The following CLEC4A variants were observed in gnomAD, a reference collection of about 807,000 sequenced individuals.
CLEC4A encodes C-type (calcium dependent, carbohydrate-recognition domain) lectin, superfamily member 6.
In CLEC4A, 27 loss-of-function variants were observed where a neutral mutation model predicts 32.7. The ratio of observed to expected loss-of-function variants is 0.83; its 90% CI spans 0.61 to 1.14. The LOEUF is 1.14. Ranked by LOEUF, CLEC4A falls within the 50% of genes most tolerant of loss-of-function variation. CLEC4A has a pLI of 0.00. For synonymous variants in CLEC4A, 89 were observed against 93.7 expected, an observed-to-expected ratio of 0.95 and a Z score of 0.29; for missense variants, 253 against 274.6, an observed-to-expected ratio of 0.92 and a Z score of 0.55.
the CLEC4A span, among the ~76,000 whole-genome samples, chr12:8,110,710 C>T: frequency 1.3e-5 from 2 of 152,244 alleles, no homozygotes; most frequent in African/African-American, 4.8e-5. Context: ...AATCATGTCC[C>T]TTCCTTCCCC....
chr12:8,129,351 T>C lies in CLEC4A; in HGVS notation c.287T>C (p.Met96Thr). Residue 96 changes from methionine to threonine, a missense_variant, in exon 3 of 6, where the codon ATG becomes ACG. Physicochemically the swap from Met to Thr is moderately conservative, Grantham distance 81. Coordinates refer to ENST00000229332, the MANE Select transcript of CLEC4A (RefSeq NM_016184.4). Reference protein sequence around the residue: ...HTTLECVKKNMPVEETAWSCC... With the variant: ...HTTLECVKKNTPVEETAWSCC... ...ACATTGGAGTGTGTGAAAAAAAATA[T>C]GCCCGTGGAAGGTAAAAATTAATGT... is the stretch of plus-strand genomic sequence containing the variant. The C allele has an allele frequency of 6.2e-7, 1 of 1,605,240 alleles. No individual in the cohort carries two copies. Among genetic ancestry groups the C allele is most frequent in the Non-Finnish European group, 8.5e-7 (1 of 1,174,110 alleles).
chr12:8,134,930 T>C, intron 3 of CLEC4A: 2 of 1,321,466 alleles, frequency 1.5e-6, no homozygotes, highest in Non-Finnish European at 1.9e-6. Context: ...AACTTTCTAG[T>C]TTTTCATTTG....
intron 2 of CLEC4A, among the ~76,000 whole-genome samples, chr12:8,127,809 C>T (rs1327904446): frequency 6.6e-6 from 1 of 152,144 alleles, no homozygotes; most frequent in African/African-American, 2.4e-5. Context: ...AAGTATGGCT[C>T]CAATATTCTG....
intron 2 of CLEC4A, among the ~76,000 whole-genome samples, chr12:8,128,475 A>G (rs1309267472): frequency 3.3e-5 from 5 of 150,962 alleles, no homozygotes; most frequent in East Asian, 3.9e-4. Flanking sequence ...CAGTGGCGCA[A>G]TCTCAGCTCA....
chr12:8,118,405 A>C, the CLEC4A span, among the ~76,000 whole-genome samples: 1 of 152,170 alleles, frequency 6.6e-6, no homozygotes, highest in African/African-American at 2.4e-5. Context: ...TAAAAAAAAA[A>C]AAAACCTGAG....
chr12:8,111,023 A>G, the CLEC4A span, among the ~76,000 whole-genome samples: 1 of 151,352 alleles, frequency 6.6e-6, no homozygotes, highest in Non-Finnish European at 1.5e-5. Flanking sequence ...ACAGGTGCCC[A>G]CCACCATGCC....
chr12:8,103,731 T>C, the CLEC4A span, among the ~76,000 whole-genome samples: 1 of 152,124 alleles, frequency 6.6e-6, no homozygotes, highest in African/African-American at 2.4e-5. Flanking sequence ...CTTGCTAAAT[T>C]AAAATTTTTT....
chr12:8,129,409 A>G, intron 3 of CLEC4A, 47 bp downstream of exon 3: 1 of 1,189,498 alleles, frequency 8.4e-7, no homozygotes, highest in Non-Finnish European at 1.2e-6. Flanking sequence ...GTACTATGTA[A>G]GGATCCCAAA....
At position 8,138,321 on chromosome 12, in the gene CLEC4A, GGTATCTGTCATT is replaced by G. The variant is rs368755288; in HGVS notation, c.*38_*49del. Reference sequence around the variant, plus strand: ...TTCTCCATGAACAGGTGGTTGGATTGGTATCTGTCATTGTAGGGATAGATAATAAGCTCTTCT... The same window carrying G: ...TTCTCCATGAACAGGTGGTTGGATTGGTAGGGATAGATAATAAGCTCTTCT... On this transcript the variant is annotated 3_prime_UTR_variant, in exon 6 of 6. Transcript: ENST00000229332. The G allele has an allele frequency of 2.5e-5, 40 of 1,612,204 alleles. No homozygotes were observed. Among genetic ancestry groups the G allele is most frequent in the Admixed American group, 1.0e-4 (6 of 59,882 alleles).
intron 3 of CLEC4A, among the ~76,000 whole-genome samples, chr12:8,130,187 T>C (rs976104288): frequency 6.6e-6 from 1 of 152,172 alleles, no homozygotes; most frequent in Non-Finnish European, 1.5e-5. Context: ...TGGAAAAAAA[T>C]AGAAGCTTAA....
At chr12:8,112,703 G>A in the CLEC4A span, among the ~76,000 whole-genome samples, 1 of 151,874 alleles carries the variant, frequency 6.6e-6, no homozygotes, top group Non-Finnish European at 1.5e-5. Context: ...GAGTGGTTTT[G>A]CATTTGCCTT....
At chr12:8,120,901 C>G (rs562505273), upstream of CLEC4A, 2 of 152,230 alleles carry the variant, frequency 1.3e-5, no homozygotes, top group Admixed American at 6.5e-5. Flanking sequence ...CCCTGTCTCA[C>G]TTGCAGGTTT....
chr12:8,129,923 C>T (rs1438405403), intron 3 of CLEC4A, among the ~76,000 whole-genome samples: 1 of 152,178 alleles, frequency 6.6e-6, no homozygotes, highest in Non-Finnish European at 1.5e-5. Flanking sequence ...ACAGCCTCGA[C>T]CTCCCGGGCT....
At chr12:8,105,277 T>C in the CLEC4A span, among the ~76,000 whole-genome samples, 1 of 152,164 alleles carries the variant, frequency 6.6e-6, no homozygotes, top group Non-Finnish European at 1.5e-5. Flanking sequence ...TTCTGACTGG[T>C]GTGAGATGGT....
intron 2 of CLEC4A, 127 bp downstream of exon 2, chr12:8,125,804 A>G (rs1947892299): frequency 3.1e-6 from 2 of 636,100 alleles, no homozygotes; most frequent in Admixed American, 2.6e-5. Context: ...GGGGAGACAT[A>G]ATTCATGGGA....
chr12:8,118,395 T>TA, the CLEC4A span, among the ~76,000 whole-genome samples: 3,913 of 147,850 alleles, frequency 0.026, 157 homozygotes, highest in African/African-American at 0.093. Flanking sequence ...TGCACTGCTA[T>TA]AAAAAAAAAA....
chr12:8,115,695 T>C, the CLEC4A span, among the ~76,000 whole-genome samples: 1 of 152,210 alleles, frequency 6.6e-6, no homozygotes, highest in Non-Finnish European at 1.5e-5. Context: ...ATATTGTTTC[T>C]GCCAGGAGAA....
In CLEC4A at chr12:8,129,366, A is replaced by G; in HGVS notation, c.298+4A>G. 6.4e-7 allele frequency: 1 copy of G among 1,567,936 alleles called. No individual in the cohort carries two copies. ...AAAAAAAATATGCCCGTGGAAGGTA[A>G]AAATTAATGTGCCTAGAATTCAGTT... On this transcript the variant is annotated splice_donor_region_variant and intron_variant, in intron 3 of 5. Transcript: ENST00000229332.
intron 3 of CLEC4A, chr12:8,134,409 T>A (rs1337292201): frequency 2.5e-6 from 4 of 1,613,938 alleles, no homozygotes; most frequent in African/African-American, 1.3e-5. Context: ...CTTGGCAAAT[T>A]GCTCGAGTTC....
Sources: gnomAD v4.1 joint callset for allele counts (sites outside exome capture counted in the v4.1 genomes callset) on GRCh38, gnomAD v4.1.1 for gene constraint, MANE v1.5 for transcripts, NCBI Gene and HGNC (gene_info 2026-07-23, HGNC 2026-07-21) for gene names.